Variants in DLG2 observed in about 807,000 individuals in gnomAD.
DLG2 encodes discs large MAGUK scaffold protein 2, also known as disks large homolog 2.
In DLG2, 45 loss-of-function variants were observed where a neutral mutation model predicts 132.5. The ratio of observed to expected loss-of-function variants is 0.34; its 90% CI spans 0.27 to 0.44. The LOEUF is 0.44. Among genes scored for constraint, DLG2 ranks in the 20% least tolerant of loss-of-function variants. The probability of loss-of-function intolerance (pLI) is 1.00; values close to 1 mark genes in which losing one functional copy is unlikely to be tolerated. For missense variants in DLG2, 1,045 were observed against 1,196.9 expected (o/e 0.87, Z 1.87); for synonymous variants, 424 against 419.6 (o/e 1.01, Z -0.13).
At chr11:84,814,268 T>C (rs1436204019) in intron 6 of DLG2, among the ~76,000 whole-genome samples, 1 of 152,084 alleles carries the variant, frequency 6.6e-6, no homozygotes. Flanking sequence ...ATGAGCATAC[T>C]AGTGTAACTG....
intron 6 of DLG2, among the ~76,000 whole-genome samples, chr11:84,889,874 G>A (rs1012863550): frequency 6.6e-6 from 1 of 152,126 alleles, no homozygotes; most frequent in African/African-American, 2.4e-5. Context: ...AGTTTGCCAA[G>A]ACACATGGCA....
intron 16 of DLG2, among the ~76,000 whole-genome samples, chr11:83,847,103 G>C (rs1595363545): frequency 6.6e-6 from 1 of 151,886 alleles, no homozygotes; most frequent in East Asian, 1.9e-4. Flanking sequence ...AATTATAAAA[G>C]GAATGTTTTT....
At chr11:83,785,209 C>G (rs1037252379) in intron 18 of DLG2, among the ~76,000 whole-genome samples, 9 of 151,978 alleles carry the variant, frequency 5.9e-5, no homozygotes, top group Non-Finnish European at 1.2e-4. Context: ...TGCCAGCTAC[C>G]ACATCTGGCT....
intron 4 of DLG2, among the ~76,000 whole-genome samples, chr11:85,220,637 A>AAATATATATAT (rs371263007): frequency 6.1e-5 from 9 of 148,260 alleles, no homozygotes; most frequent in African/African-American, 2.0e-4. Flanking sequence ...TAGAAAAAAA[A>AAATATATATAT]ATATATATAT....
At chr11:85,247,116 T>G (rs2076173885) in intron 4 of DLG2, among the ~76,000 whole-genome samples, 1 of 152,110 alleles carries the variant, frequency 6.6e-6, no homozygotes. Flanking sequence ...ATTACGTTGA[T>G]CATACAATTT....
intron 3 of DLG2, among the ~76,000 whole-genome samples, chr11:85,451,879 T>A (rs1208141618): frequency 3.9e-5 from 6 of 152,186 alleles, no homozygotes; most frequent in African/African-American, 1.2e-4. Flanking sequence ...TTTATATTGC[T>A]CTGTCATGGA....
chr11:83,953,842 AG>A (rs1433652524), intron 14 of DLG2, among the ~76,000 whole-genome samples: 1 of 152,218 alleles, frequency 6.6e-6, no homozygotes, highest in East Asian at 1.9e-4. Context: ...AACTTGTAAG[AG>A]GATAGGGACC....
intron 3 of DLG2, among the ~76,000 whole-genome samples, chr11:85,503,612 G>C (rs1373240988): frequency 1.3e-5 from 2 of 152,084 alleles, no homozygotes; most frequent in African/African-American, 4.8e-5. Flanking sequence ...GGGTTATCAT[G>C]GGAGTGGAAC....
rs1201920857 is a variant in DLG2, at chr11:85,145,668, CTTGA to C, written c.282+8884_282+8887del. ...AAATTTTTCAGCTGCAGAACTTCTGCTTGATTATTTAAAAAATTATTTCAATCTG... is the reference window on the plus strand; with the variant it reads ...AAATTTTTCAGCTGCAGAACTTCTGCTTATTTAAAAAATTATTTCAATCTG... On this transcript the variant is annotated intron_variant, in intron 5 of 27. Coordinates refer to ENST00000376104, the MANE Select transcript of DLG2 (RefSeq NM_001142699.3). Among the ~76,000 whole-genome samples, 4 of 152,030 alleles carry C rather than the reference CTTGA, an allele frequency of 2.6e-5. 1 individual carries two copies. Among genetic ancestry groups the C allele is most frequent in the African/African-American group, 9.6e-5 (4 of 41,504 alleles).
At chr11:84,390,046 AATC>A (rs1321651749) in intron 7 of DLG2, among the ~76,000 whole-genome samples, 1 of 152,176 alleles carries the variant, frequency 6.6e-6, no homozygotes, top group Non-Finnish European at 1.5e-5. Context: ...TAAGTGGTAT[AATC>A]ATCTTTGGAT....
rs573765366 is a variant in DLG2 at position 84,872,461 on chromosome 11, G to A, written c.357+239200C>T. ...CCCTTGAGGATCTTAAGGGTAGTTT[G>A]GGAGATAGTCATGTAGCTAGATCAA... On this transcript the variant is annotated intron_variant, in intron 6 of 27. Transcript: ENST00000376104. Among the ~76,000 whole-genome samples, 9 of 152,274 alleles carry A rather than the reference G, an allele frequency of 5.9e-5. No homozygotes were observed. In the Middle Eastern group the frequency reaches 0.01, roughly 173 times the overall value.
chr11:84,010,167 A>G lies in DLG2; in HGVS notation c.920-29525T>C, dbSNP rs569107326. ...CTCACACCGGCATCAGCTAGAACTC[A>G]TATTTAACTGTAACACACGTTGCTA... On this transcript the variant is annotated intron_variant, in intron 11 of 27. Coordinates refer to ENST00000376104, the MANE Select transcript of DLG2 (RefSeq NM_001142699.3). Among the ~76,000 whole-genome samples, 13 of 152,228 alleles carry G rather than the reference A, an allele frequency of 8.5e-5. 1 individual carries two copies. The highest frequency in any genetic ancestry group is 7.2e-4 in the Admixed American group (11 of 15,260).
intron 8 of DLG2, among the ~76,000 whole-genome samples, chr11:84,201,956 C>T (rs1345632627): frequency 1.3e-5 from 2 of 150,698 alleles, no homozygotes; most frequent in East Asian, 3.9e-4. Flanking sequence ...GTAGCTGGGA[C>T]TACAGGTGCA....
chr11:83,584,345 G>A (rs2097042052), intron 19 of DLG2, among the ~76,000 whole-genome samples: 1 of 152,200 alleles, frequency 6.6e-6, no homozygotes, highest in South Asian at 2.1e-4. Context: ...TAAAGGAGTT[G>A]ATAGCCCAGT....
At chr11:85,545,013 C>T (rs1455502222) in intron 3 of DLG2, among the ~76,000 whole-genome samples, 1 of 152,200 alleles carries the variant, frequency 6.6e-6, no homozygotes, top group Non-Finnish European at 1.5e-5. Flanking sequence ...CTGGCCAGAA[C>T]TTCCAGTACT....
At chr11:84,428,878 G>C (rs1199013068) in intron 7 of DLG2, among the ~76,000 whole-genome samples, 1 of 152,146 alleles carries the variant, frequency 6.6e-6, no homozygotes, top group Non-Finnish European at 1.5e-5. Context: ...GTGGGATAAG[G>C]CAGCTGGAAA....
chr11:84,550,238 G>A (rs1007889506), intron 6 of DLG2, among the ~76,000 whole-genome samples: 3 of 152,030 alleles, frequency 2.0e-5, no homozygotes, highest in Admixed American at 6.6e-5. Context: ...GTATTGTAGA[G>A]TATTGTAGCA....
intron 1 of DLG2, 23 bp downstream of exon 1, chr11:85,627,195 T>C (rs2082080886): frequency 6.6e-6 from 1 of 152,210 alleles, no homozygotes; most frequent in Admixed American, 6.5e-5. Flanking sequence ...TTATATTTAC[T>C]GATCAGAAGT....
intron 7 of DLG2, among the ~76,000 whole-genome samples, chr11:84,290,204 A>T (rs1393241973): frequency 6.6e-6 from 1 of 152,164 alleles, no homozygotes; most frequent in Non-Finnish European, 1.5e-5. Context: ...TCTCAGGGAC[A>T]GGAGGGACAG....
Sources: allele counts gnomAD v4.1 joint callset (sites outside exome capture counted in the v4.1 genomes callset), GRCh38; gene constraint gnomAD v4.1.1; transcripts MANE v1.5; gene names NCBI Gene and HGNC (gene_info 2026-07-23, HGNC 2026-07-21).